Variants in ZNF521 observed in about 807,000 individuals in gnomAD.
ZNF521 encodes zinc finger protein 521, also known as LYST-interacting protein 3.
ZNF521 carries 14 observed loss-of-function variants against 105.5 expected under a neutral mutation model. The observed-to-expected ratio is 0.13, with a 90% CI of 0.09 to 0.21. ZNF521 has a LOEUF of 0.21. ZNF521 is among the 10% of genes least tolerant of loss of function. The probability of loss-of-function intolerance (pLI) is 1.00; values close to 1 mark genes in which losing one functional copy is unlikely to be tolerated. For missense variants in ZNF521, 1,233 were observed against 1,629.7 expected, an observed-to-expected ratio of 0.76 and a Z score of 4.19; for synonymous variants, 635 against 606.0, an observed-to-expected ratio of 1.05 and a Z score of -0.70.
chr18:25,289,404 G>A (rs1046988401), intron 3 of ZNF521, among the ~76,000 whole-genome samples: 5 of 152,142 alleles, frequency 3.3e-5, no homozygotes, highest in Non-Finnish European at 7.3e-5. Context: ...GTGATTATGC[G>A]AACAGAACTT....
intron 7 of ZNF521, among the ~76,000 whole-genome samples, chr18:25,085,642 C>A (rs1037127838): frequency 6.4e-5 from 8 of 124,616 alleles, no homozygotes; most frequent in African/African-American, 2.2e-4. Context: ...CTTATACATC[C>A]CCATATATAT....
intron 5 of ZNF521, among the ~76,000 whole-genome samples, chr18:25,101,526 G>C (rs1600024517): frequency 1.3e-5 from 2 of 152,224 alleles, no homozygotes; most frequent in East Asian, 3.9e-4. Context: ...AAGTTGTAAA[G>C]GCAGGAATCT....
chr18:25,098,963 T>C (rs1324686730), intron 5 of ZNF521, among the ~76,000 whole-genome samples: 1 of 152,188 alleles, frequency 6.6e-6, no homozygotes, highest in African/African-American at 2.4e-5. Flanking sequence ...GTGTTTCCAA[T>C]TCAGCAACGC....
chr18:25,199,054 T>C (rs1257102340), intron 4 of ZNF521, among the ~76,000 whole-genome samples: 3 of 151,942 alleles, frequency 2.0e-5, no homozygotes, highest in African/African-American at 7.2e-5. Flanking sequence ...ATCACCAATA[T>C]AGTATCTTAT....
intron 7 of ZNF521, among the ~76,000 whole-genome samples, chr18:25,082,249 T>A (rs78747553): frequency 0.016 from 2,379 of 152,200 alleles, 72 homozygotes; most frequent in African/African-American, 0.054. Flanking sequence ...GAAGTCTTTG[T>A]GATGTGCTTA....
At chr18:25,332,897 T>C (rs534163563) in intron 2 of ZNF521, among the ~76,000 whole-genome samples, 1 of 152,252 alleles carries the variant, frequency 6.6e-6, no homozygotes, top group Admixed American at 6.5e-5. Flanking sequence ...CAGATAGAAC[T>C]AAAAGTGAAC....
chr18:25,144,704 G>C (rs757756436), intron 5 of ZNF521, among the ~76,000 whole-genome samples: 16 of 152,000 alleles, frequency 1.1e-4, no homozygotes, highest in Non-Finnish European at 1.9e-4. Flanking sequence ...AAGAAACCAA[G>C]GCTGAAACAC....
intron 3 of ZNF521, among the ~76,000 whole-genome samples, chr18:25,256,600 CG>C (rs1568038584): frequency 6.6e-6 from 1 of 152,000 alleles, no homozygotes; most frequent in East Asian, 1.9e-4. Context: ...TCTGACTCTA[CG>C]CTCAAGACTT....
rs182236706 is a variant in ZNF521 at position 25,351,037 on chromosome 18, C to G, written c.-1-90G>C. ...GCGCGCCCCTCGGGCCGCGGCGCCT[C>G]GCGCCCTCCGCTCGGCCTCCCTCGC... On this transcript the variant is annotated intron_variant, in intron 1 of 7. Transcript: ENST00000361524. 1.8e-4 allele frequency: 202 copies of G among 1,094,574 alleles called. No individual in the cohort carries two copies. The African/African-American group carries it at 3.1e-3, about 17-fold the overall frequency. The allele number at this position is 1,094,574 out of a possible 1,614,324, so 67.8% of individuals were successfully genotyped here.
intron 3 of ZNF521, among the ~76,000 whole-genome samples, chr18:25,232,840 T>G (rs904253106): frequency 1.3e-5 from 2 of 152,218 alleles, no homozygotes; most frequent in Non-Finnish European, 2.9e-5. Flanking sequence ...GGGTAAGACT[T>G]GAGACCAACA....
chr18:25,267,455 G>T (rs1446995974), intron 3 of ZNF521, among the ~76,000 whole-genome samples: 1 of 152,172 alleles, frequency 6.6e-6, no homozygotes, highest in Non-Finnish European at 1.5e-5. Context: ...CCTCAAGGGG[G>T]TCCCTGACCC....
intron 5 of ZNF521, among the ~76,000 whole-genome samples, chr18:25,125,880 A>G (rs929397052): frequency 6.6e-6 from 1 of 151,926 alleles, no homozygotes; most frequent in African/African-American, 2.4e-5. Flanking sequence ...TTTGGCCATT[A>G]CTCAAGTATG....
chr18:25,165,727 C>T (rs2035328037), intron 5 of ZNF521, among the ~76,000 whole-genome samples: 1 of 152,222 alleles, frequency 6.6e-6, no homozygotes, highest in African/African-American at 2.4e-5. Flanking sequence ...GAATGTCTGC[C>T]TGCAATTGGA....
intron 2 of ZNF521, among the ~76,000 whole-genome samples, chr18:25,336,649 G>T (rs1476069583): frequency 6.6e-6 from 1 of 152,136 alleles, no homozygotes; most frequent in Non-Finnish European, 1.5e-5. Context: ...ATTGGCCAGG[G>T]TGAAGGTACC....
chr18:25,114,976 C>T (rs2034274520), intron 5 of ZNF521, among the ~76,000 whole-genome samples: 2 of 151,734 alleles, frequency 1.3e-5, no homozygotes, highest in Admixed American at 6.6e-5. Flanking sequence ...TATTTTTTTT[C>T]CTATGAATAT....
chr18:25,116,871 GTATATATATA>G (rs55759335), intron 5 of ZNF521, among the ~76,000 whole-genome samples: 16 of 138,736 alleles, frequency 1.2e-4, no homozygotes, highest in African/African-American at 3.9e-4. Context: ...ATATATATAC[GTATATATATA>G]TATATACGTA....
chr18:25,214,781 C>T (rs910294800), intron 4 of ZNF521, among the ~76,000 whole-genome samples: 3 of 151,976 alleles, frequency 2.0e-5, no homozygotes, highest in Non-Finnish European at 2.9e-5. Context: ...ATAGGAAGCA[C>T]GTGAAGGAGA....
intron 4 of ZNF521, among the ~76,000 whole-genome samples, chr18:25,217,502 A>G (rs1905403783): frequency 6.6e-6 from 1 of 152,184 alleles, no homozygotes; most frequent in South Asian, 2.1e-4. Context: ...GGAAGAGGAA[A>G]ACGTTTCAGG....
At chr18:25,293,499 T>C (rs1173171221) in intron 3 of ZNF521, among the ~76,000 whole-genome samples, 1 of 152,170 alleles carries the variant, frequency 6.6e-6, no homozygotes, top group Non-Finnish European at 1.5e-5. Context: ...TTTTCTGGAT[T>C]CTACCTCAAG....
Sources: allele counts gnomAD v4.1 joint callset (sites outside exome capture counted in the v4.1 genomes callset), GRCh38; gene constraint gnomAD v4.1.1; transcripts MANE v1.5; gene names NCBI Gene and HGNC (gene_info 2026-07-23, HGNC 2026-07-21).